Variants in TMPRSS9 observed in about 807,000 individuals in gnomAD.
TMPRSS9 encodes the protein transmembrane protease serine 9.
A neutral mutation model predicts 111.4 loss-of-function variants in TMPRSS9; 113 were observed. The observed-to-expected ratio is 1.01, with a 90% CI of 0.87 to 1.19. The LOEUF (loss-of-function observed/expected upper bound fraction) is 1.19, where lower values mean the gene tolerates loss of function less well. TMPRSS9 is among the 50% of genes most tolerant of loss of function. The probability of loss-of-function intolerance (pLI) is 0.00; values close to 1 mark genes in which losing one functional copy is unlikely to be tolerated. For missense variants in TMPRSS9, 1,803 were observed against 1,513.1 expected (o/e 1.19, Z -3.18); for synonymous variants, 805 against 659.1 (o/e 1.22, Z -3.39).
chr19:2,424,371 C>T, intron 15 of TMPRSS9, 114 bp downstream of exon 16: 3 of 1,146,572 alleles, frequency 2.6e-6, no homozygotes, highest in Non-Finnish European at 3.3e-6. Flanking sequence ...CCCTCCCCAA[C>T]CCCGGCTCCC....
intron 1 of TMPRSS9, among the ~76,000 whole-genome samples, chr19:2,362,288 G>A (rs996751077): frequency 3.9e-5 from 6 of 152,096 alleles, no homozygotes; most frequent in African/African-American, 1.4e-4. Context: ...GGTCATGTGT[G>A]GTTGCGTATA....
At chr19:2,368,787 T>TTTTTTTTTTG (rs1970266900) in intron 1 of TMPRSS9, among the ~76,000 whole-genome samples, 1 of 111,394 alleles carries the variant, frequency 9.0e-6, no homozygotes, top group African/African-American at 4.6e-5. Context: ...TTTTTTTTTT[T>TTTTTTTTTTG]TTTTTTTTTT....
At chr19:2,416,860 G>A (rs1483058836) in intron 12 of TMPRSS9, 51 bp downstream of exon 13, 1 of 1,549,762 alleles carries the variant, frequency 6.5e-7, no homozygotes, top group Admixed American at 1.8e-5. Context: ...CCAGGGCCTG[G>A]CCTGGGGAGG....
rs145397723 is a variant in TMPRSS9 at position 2,415,547 on chromosome 19, G to C, written c.1574-123G>C. On this transcript the variant is annotated intron_variant, in intron 10 of 17. Transcript: ENST00000648592. The stretch of plus-strand genomic sequence containing the variant: ...TGAAGCCTCCACGGCTTCTTGTGTG[G>C]AACGGGAGGGATTGCGGCATCTTCA... 6.2e-4 allele frequency: 589 copies of C among 944,850 alleles called. 2 individuals are homozygous for C. In the African/African-American group the frequency reaches 8.8e-3, roughly 14 times the overall value. The allele number at this position is 944,850 out of a possible 1,614,324, so 58.5% of individuals were successfully genotyped here.
chr19:2,420,829 A>T (rs973862940), intron 13 of TMPRSS9, among the ~76,000 whole-genome samples: 1 of 152,246 alleles, frequency 6.6e-6, no homozygotes, highest in Non-Finnish European at 1.5e-5. Context: ...AAATAGAATA[A>T]TAGGTATTTA....
chr19:2,363,078 C>T (rs908883623), intron 1 of TMPRSS9, among the ~76,000 whole-genome samples: 16 of 152,178 alleles, frequency 1.1e-4, no homozygotes, highest in Admixed American at 7.9e-4. Context: ...AGCCTCACGC[C>T]GCCTGCTTGT....
intron 1 of TMPRSS9, among the ~76,000 whole-genome samples, chr19:2,360,725 T>C (rs1235391541): frequency 6.6e-6 from 1 of 150,804 alleles, no homozygotes; most frequent in Admixed American, 6.6e-5. Context: ...GGGGGTTATG[T>C]GGACGCAGGT....
chr19:2,396,032 G>A (rs1261647612), intron 1 of TMPRSS9: 1 of 152,560 alleles, frequency 6.6e-6, no homozygotes, highest in Non-Finnish European at 1.5e-5. Context: ...AAACCAACCA[G>A]TGGTTTTTGA....
At chr19:2,378,113 C>T (rs1371293974) in intron 1 of TMPRSS9, among the ~76,000 whole-genome samples, 2 of 152,082 alleles carry the variant, frequency 1.3e-5, no homozygotes, top group African/African-American at 2.4e-5. Context: ...CTCCTGGCCT[C>T]AAGCAATTCT....
At chr19:2,409,097 C>T (rs1170107223) in intron 8 of TMPRSS9, among the ~76,000 whole-genome samples, 1 of 150,224 alleles carries the variant, frequency 6.7e-6, no homozygotes, top group African/African-American at 2.4e-5. Flanking sequence ...AATTCCACTG[C>T]TTGCTAAGAT....
rs1457893866 is a variant in TMPRSS9, at chr19:2,426,147, C to A, written c.*59C>A. On this transcript the variant is annotated 3_prime_UTR_variant, in exon 18 of 18. Transcript: ENST00000648592. ...TGAAAGCAACAGGAGCAGCAGGCCA[C>A]CCAACACCCCACCCCACCGTACCCT... 8 of 1,403,366 alleles carry A rather than the reference C, an allele frequency of 5.7e-6. No individual in the cohort carries two copies. The East Asian group carries it at 9.5e-5, about 17-fold the overall frequency. The allele number at this position is 1,403,366 out of a possible 1,614,324, so 86.9% of individuals were successfully genotyped here. A position where few individuals can be genotyped will look rare whatever the true frequency, so the allele number is the denominator to read the frequency against.
At chr19:2,409,644 G>A (rs1213837320) in intron 8 of TMPRSS9, among the ~76,000 whole-genome samples, 2 of 152,128 alleles carry the variant, frequency 1.3e-5, no homozygotes, top group African/African-American at 4.8e-5. Flanking sequence ...GCCTCCTGGA[G>A]AGAGGAGATG....
chr19:2,365,304 A>T (rs752780947), intron 1 of TMPRSS9, among the ~76,000 whole-genome samples: 1 of 152,054 alleles, frequency 6.6e-6, no homozygotes, highest in Non-Finnish European at 1.5e-5. Flanking sequence ...ACCTCTTCCC[A>T]TGAAAGCCTA....
chr19:2,381,737 A>C (rs1223601845), intron 1 of TMPRSS9, among the ~76,000 whole-genome samples: 2 of 152,150 alleles, frequency 1.3e-5, no homozygotes, highest in Non-Finnish European at 2.9e-5. Flanking sequence ...TGAGGAGGGA[A>C]CATTCTGGCT....
rs1971591470 is a variant in TMPRSS9, at chr19:2,425,344, C to T, written c.2984-13C>T. The T allele has an allele frequency of 6.8e-7, 1 of 1,466,898 alleles. No homozygotes were observed. The highest frequency in any genetic ancestry group is 9.0e-7 in the Non-Finnish European group (1 of 1,113,428). 90.9% of individuals were successfully genotyped at this position (1,466,898 alleles called of 1,614,324 possible). On this transcript the variant is annotated splice_polypyrimidine_tract_variant and intron_variant, in intron 16 of 17. Transcript: ENST00000648592. ...CGGTCCCCACCCGCCCCGTCTCGCT[C>T]GCCCGCCCGCAGGCTCCATGGCGCG...
intron 5 of TMPRSS9, 30 bp downstream of exon 6, chr19:2,402,046 A>G: frequency 6.3e-7 from 1 of 1,598,196 alleles, no homozygotes. Flanking sequence ...CTTTTCTCTG[A>G]TTGCAGTTAC....
chr19:2,377,467 C>T (rs1287438382), intron 1 of TMPRSS9, among the ~76,000 whole-genome samples: 1 of 78,526 alleles, frequency 1.3e-5, no homozygotes. Flanking sequence ...CCCCTCTCCC[C>T]TCTCCCCTCT....
At chr19:2,370,752 T>C (rs918636096) in intron 1 of TMPRSS9, among the ~76,000 whole-genome samples, 3 of 152,084 alleles carry the variant, frequency 2.0e-5, no homozygotes, top group Non-Finnish European at 4.4e-5. Flanking sequence ...TCTTTATATA[T>C]ATATTGCCCA....
At chr19:2,424,457 C>T (rs1269428180) in intron 15 of TMPRSS9, among the ~76,000 whole-genome samples, 200 bp downstream of exon 16, 2 of 151,496 alleles carry the variant, frequency 1.3e-5, no homozygotes, top group African/African-American at 2.4e-5. Context: ...CCACCCACCC[C>T]CTAGCCTGAC....
Sources: gnomAD v4.1 joint callset for allele counts (sites outside exome capture counted in the v4.1 genomes callset) on GRCh38, gnomAD v4.1.1 for gene constraint, MANE v1.5 for transcripts, NCBI Gene and HGNC (gene_info 2026-07-23, HGNC 2026-07-21) for gene names.